The following BCAS3 variants were observed in gnomAD, a reference collection of about 807,000 sequenced individuals.
The protein encoded by BCAS3 is BCAS3 microtubule associated cell migration factor, also known as BCAS4/BCAS3 fusion.
In BCAS3, 53 loss-of-function variants were observed where a neutral mutation model predicts 116.1. That is an observed-to-expected ratio of 0.46 (90% CI 0.37 to 0.57). The LOEUF is 0.57. BCAS3 is among the 20% of genes least tolerant of loss of function. The pLI, the probability that BCAS3 is intolerant of heterozygous loss-of-function variation, is 0.00. For synonymous variants in BCAS3, 391 were observed against 408.2 expected (o/e 0.96, Z 0.51); for missense variants, 917 against 1,165.4 (o/e 0.79, Z 3.10).
chr17:60,767,144 C>T (rs118065942), intron 6 of BCAS3, among the ~76,000 whole-genome samples: 3,254 of 152,266 alleles, frequency 0.021, 58 homozygotes, highest in Non-Finnish European at 0.033. Flanking sequence ...CGACCCTTTG[C>T]GCTTCCGGGG....
chr17:60,748,505 T>C (rs1187333578), intron 6 of BCAS3, among the ~76,000 whole-genome samples: 1 of 152,224 alleles, frequency 6.6e-6, no homozygotes, highest in African/African-American at 2.4e-5. Context: ...ATAATGAAGA[T>C]TCTAGACCGT....
rs2081648136 is a variant in BCAS3 at position 61,214,373 on chromosome 17, A to AAATAAAT, written c.2425+129812_2425+129818dup. Reference sequence around the variant, plus strand: ...CAGAGCAAGACCCTATCTCAAAAATAAATAAATAAATAAATAAATAAATAT... The same window carrying AAATAAAT: ...CAGAGCAAGACCCTATCTCAAAAATAAATAAATAATAAATAAATAAATAAATAAATAT... On this transcript the variant is annotated intron_variant, in intron 22 of 23. Coordinates refer to ENST00000407086, the MANE Select transcript of BCAS3 (RefSeq NM_017679.5). This position sits in a 1 kb window ranked among gnomAD's most constrained non-coding sequence, Gnocchi z 4.4. Among the ~76,000 whole-genome samples the AAATAAAT allele has an allele frequency of 6.6e-6, 1 of 151,182 alleles. No homozygotes were observed. Among genetic ancestry groups the AAATAAAT allele is most frequent in the African/African-American group, 2.4e-5 (1 of 40,988 alleles).
intron 4 of BCAS3, among the ~76,000 whole-genome samples, chr17:60,697,540 A>C (rs757875193): frequency 6.8e-6 from 1 of 146,770 alleles, no homozygotes; most frequent in African/African-American, 2.5e-5. Context: ...CTGAGATTGC[A>C]CCACTGCACT....
At chr17:60,828,463 A>G (rs1299483382) in intron 7 of BCAS3, among the ~76,000 whole-genome samples, 1 of 152,216 alleles carries the variant, frequency 6.6e-6, no homozygotes, top group Non-Finnish European at 1.5e-5. Flanking sequence ...GCTAAATATC[A>G]CTAATTATGT....
Position 61,300,608 on chromosome 17 carries a change from G to A in BCAS3, c.2426-67719G>A, listed in dbSNP as rs1256705333. On this transcript the variant is annotated intron_variant, in intron 22 of 23. Transcript: ENST00000407086. The surrounding 1 kb of genome is among the most constrained non-coding windows in gnomAD (Gnocchi z 5.1). ...TATGGCAGTAAGTAATGCCATGCGA[G>A]GGCAAGCTGGGAACAGTGAACACTC... Among the ~76,000 whole-genome samples the A allele has an allele frequency of 2.0e-5, 3 of 152,182 alleles. No homozygotes were observed. Among genetic ancestry groups the A allele is most frequent in the African/African-American group, 7.2e-5 (3 of 41,442 alleles).
chr17:60,868,369 TA>T (rs1420111505), intron 7 of BCAS3, among the ~76,000 whole-genome samples: 7 of 152,162 alleles, frequency 4.6e-5, no homozygotes, highest in Admixed American at 2.0e-4. Flanking sequence ...TGGTGAGTGA[TA>T]TTTTTTTCTT....
intron 22 of BCAS3, among the ~76,000 whole-genome samples, chr17:61,254,549 C>T (rs898276015): frequency 7.2e-5 from 11 of 151,898 alleles, no homozygotes; most frequent in African/African-American, 1.4e-4. Flanking sequence ...GAGGCCGTGG[C>T]GGGCGGATCA....
rs2081629615 is a variant in BCAS3 at position 61,214,117 on chromosome 17, C to G, written c.2425+129553C>G. On this transcript the variant is annotated intron_variant, in intron 22 of 23. Transcript: ENST00000407086. The surrounding 1 kb of genome is among the most constrained non-coding windows in gnomAD (Gnocchi z 4.4). Reference sequence around the variant, plus strand: ...TCGTGGTGGCTCACACCTGTAATCCCAGCATTTTGGGAGACCTCACAAGGA... The same window carrying G: ...TCGTGGTGGCTCACACCTGTAATCCGAGCATTTTGGGAGACCTCACAAGGA... Among the ~76,000 whole-genome samples, 2 of 152,092 alleles carry G rather than the reference C, an allele frequency of 1.3e-5. No homozygotes were observed. The highest frequency in any genetic ancestry group is 1.3e-4 in the Admixed American group (2 of 15,270).
chr17:60,750,831 A>C (rs2042396736), intron 6 of BCAS3, among the ~76,000 whole-genome samples: 1 of 152,156 alleles, frequency 6.6e-6, no homozygotes, highest in African/African-American at 2.4e-5. Context: ...TAGAATACTT[A>C]TGTCCTTCTA....
rs1458006135 is a variant in BCAS3 at position 61,084,994 on chromosome 17, T to C, written c.2425+430T>C. ...TGCTATAGCTTGAATGATTTTATTA[T>C]CAAAAGCATCAAGTTTAAAAATTCA... On this transcript the variant is annotated intron_variant, in intron 22 of 23. Coordinates refer to ENST00000407086, the MANE Select transcript of BCAS3 (RefSeq NM_017679.5). This position sits in a 1 kb window ranked among gnomAD's most constrained non-coding sequence, Gnocchi z 5.5. Among the ~76,000 whole-genome samples, 1 of 152,184 alleles carries C rather than the reference T, an allele frequency of 6.6e-6. No homozygotes were observed. Among genetic ancestry groups the C allele is most frequent in the Non-Finnish European group, 1.5e-5 (1 of 68,030 alleles).
chr17:61,321,790 G>A (rs1308324893), intron 22 of BCAS3, among the ~76,000 whole-genome samples: 1 of 152,126 alleles, frequency 6.6e-6, no homozygotes, highest in Non-Finnish European at 1.5e-5. Flanking sequence ...GAAATGAGGG[G>A]ATAGTGGGGA....
At chr17:60,951,854 C>G (rs1233692629) in intron 14 of BCAS3, among the ~76,000 whole-genome samples, 2 of 145,564 alleles carry the variant, frequency 1.4e-5, no homozygotes, top group African/African-American at 5.2e-5. Flanking sequence ...ACTGCAGCCT[C>G]TGTCCTCCCG....
In BCAS3 at chr17:60,801,613, G is replaced by T. The variant is rs117221556; in HGVS notation, c.404-6391G>T. ...TTAGTTTGTGTGATGTTCGCTGAAA[G>T]ATTTTGTGTTAAGTTATATCATCTA... On this transcript the variant is annotated intron_variant, in intron 6 of 23. Transcript: ENST00000407086. 3.3e-3 allele frequency among the ~76,000 whole-genome samples: 496 copies of T among 152,224 alleles called. 5 individuals carry two copies. Among genetic ancestry groups the T allele is most frequent in the Non-Finnish European group, 5.8e-3 (393 of 67,998 alleles).
rs1159096084 is a variant in BCAS3, at chr17:61,347,231, A to T, written c.2426-21096A>T. ...CGAGTAGCTGGGATTACAGGCATGC[A>T]CCACCACACCCGGCTGATTTTTATA... On this transcript the variant is annotated intron_variant, in intron 22 of 23. Coordinates refer to ENST00000407086, the MANE Select transcript of BCAS3 (RefSeq NM_017679.5). This position sits in a 1 kb window ranked among gnomAD's most constrained non-coding sequence, Gnocchi z 4.3. 2.6e-5 allele frequency among the ~76,000 whole-genome samples: 4 copies of T among 151,882 alleles called. No homozygotes were observed. The highest frequency in any genetic ancestry group is 4.4e-5 in the Non-Finnish European group (3 of 67,966).
chr17:60,738,189 A>G (rs1030656621), intron 5 of BCAS3, among the ~76,000 whole-genome samples: 1 of 152,246 alleles, frequency 6.6e-6, no homozygotes, highest in Non-Finnish European at 1.5e-5. Context: ...TACTGTTGTA[A>G]GAAGTAGTTT....
chr17:60,866,857 G>A (rs1233089334), intron 7 of BCAS3, among the ~76,000 whole-genome samples: 3 of 151,880 alleles, frequency 2.0e-5, no homozygotes, highest in Non-Finnish European at 4.4e-5. Flanking sequence ...CAAAGTTTTT[G>A]TTTTATTGAT....
chr17:60,791,026 G>A (rs909812008), intron 6 of BCAS3, among the ~76,000 whole-genome samples: 1 of 152,088 alleles, frequency 6.6e-6, no homozygotes, highest in East Asian at 1.9e-4. Context: ...ACAGGCATGA[G>A]CCACTGCACT....
intron 7 of BCAS3, among the ~76,000 whole-genome samples, chr17:60,814,029 G>A (rs72843587): frequency 4.1e-4 from 63 of 152,116 alleles, no homozygotes; most frequent in Non-Finnish European, 8.7e-4. Flanking sequence ...TGTTCTATAT[G>A]AATTTTAGAG....
chr17:61,053,609 G>C (rs1227144951), intron 19 of BCAS3, among the ~76,000 whole-genome samples: 1 of 152,198 alleles, frequency 6.6e-6, no homozygotes, highest in Non-Finnish European at 1.5e-5. Flanking sequence ...TTGCATTGCT[G>C]TTGTGGTATG....
Sources: allele counts gnomAD v4.1 joint callset (sites outside exome capture counted in the v4.1 genomes callset), GRCh38; gene constraint gnomAD v4.1.1; non-coding constraint Gnocchi (gnomAD v3.1); transcripts MANE v1.5; gene names NCBI Gene and HGNC (gene_info 2026-07-23, HGNC 2026-07-21).